Variants in ZBTB20 observed in about 807,000 individuals in gnomAD.
ZBTB20 encodes zinc finger and BTB domain containing 20.
ZBTB20 carries 9 observed loss-of-function variants against 56.9 expected under a neutral mutation model. The observed-to-expected ratio is 0.16, with a 90% CI of 0.10 to 0.28. The LOEUF (loss-of-function observed/expected upper bound fraction) is 0.28. Among genes scored for constraint, ZBTB20 ranks in the 10% least tolerant of loss-of-function variants. ZBTB20 has a pLI of 1.00. For synonymous variants in ZBTB20, 417 were observed against 420.7 expected (o/e 0.99, Z 0.11); for missense variants, 655 against 1,003.0 (o/e 0.65, Z 4.69).
intron 1 of ZBTB20, among the ~76,000 whole-genome samples, chr3:115,079,032 G>T (rs2082700328): frequency 6.6e-6 from 1 of 152,050 alleles, no homozygotes; most frequent in African/African-American, 2.4e-5. Flanking sequence ...TATATAAAGG[G>T]CTGACAATCA....
chr3:115,026,506 C>T (rs1448582942), intron 2 of ZBTB20, among the ~76,000 whole-genome samples: 3 of 150,894 alleles, frequency 2.0e-5, no homozygotes, highest in African/African-American at 4.8e-5. Context: ...GGACTCAAAG[C>T]ATGTCATAGT....
At chr3:114,764,656 A>C (rs2068660140) in intron 5 of ZBTB20, among the ~76,000 whole-genome samples, 1 of 152,190 alleles carries the variant, frequency 6.6e-6, no homozygotes. Context: ...TGATTTTCCT[A>C]TATCAGTGAG....
chr3:115,012,397 T>TA (rs1237239528), intron 2 of ZBTB20, among the ~76,000 whole-genome samples: 1 of 151,536 alleles, frequency 6.6e-6, no homozygotes, highest in African/African-American at 2.4e-5. Context: ...CAATGGAAAC[T>TA]AAAAAAGAGC....
At chr3:114,792,156 G>A (rs2071005383) in intron 5 of ZBTB20, 1 of 152,056 alleles carries the variant, frequency 6.6e-6, no homozygotes, top group Non-Finnish European at 1.5e-5. Flanking sequence ...TCTTACAAAA[G>A]CTTTTTCTTC....
intron 8 of ZBTB20, among the ~76,000 whole-genome samples, chr3:114,385,177 C>T (rs1342067326): frequency 6.6e-6 from 1 of 152,160 alleles, no homozygotes; most frequent in Non-Finnish European, 1.5e-5. Flanking sequence ...CCTATTGGCT[C>T]ATGATAATTT....
chr3:114,615,611 G>A (rs1417638824), intron 6 of ZBTB20, among the ~76,000 whole-genome samples: 3 of 152,156 alleles, frequency 2.0e-5, no homozygotes, highest in Admixed American at 1.3e-4. Flanking sequence ...GGGAGTTCTG[G>A]CCCCTTTTAT....
intron 7 of ZBTB20, among the ~76,000 whole-genome samples, chr3:114,435,100 T>A (rs1041177174): frequency 1.1e-4 from 16 of 152,162 alleles, no homozygotes; most frequent in African/African-American, 3.6e-4. Context: ...TAAGCTTAAC[T>A]GGGACTAAAA....
At position 114,750,456 on chromosome 3, in the gene ZBTB20, A is replaced by T. The variant is rs561125743; in HGVS notation, c.-343+50645T>A. Among the ~76,000 whole-genome samples, 6 of 152,336 alleles carry T rather than the reference A, an allele frequency of 3.9e-5. No homozygotes were observed. In the East Asian group the frequency reaches 1.2e-3, roughly 29 times the overall value. ...CTTATCTGTAGGAAGAAAAGCAGTAAAGCAGAATTCCTAGGAATTGAGAAA... is the reference window on the plus strand; with the variant it reads ...CTTATCTGTAGGAAGAAAAGCAGTATAGCAGAATTCCTAGGAATTGAGAAA... On this transcript the variant is annotated intron_variant, in intron 5 of 11. Coordinates refer to ENST00000675478, the MANE Select transcript of ZBTB20 (RefSeq NM_001348800.3).
chr3:115,043,577 G>GAAATA (rs143409903), intron 2 of ZBTB20, among the ~76,000 whole-genome samples: 3,584 of 135,524 alleles, frequency 0.026, 68 homozygotes, highest in African/African-American at 0.048. Flanking sequence ...GTCTCAAAAA[G>GAAATA]AAATAAAATA....
At chr3:114,660,694 G>C (rs1042304573) in intron 6 of ZBTB20, among the ~76,000 whole-genome samples, 5 of 152,088 alleles carry the variant, frequency 3.3e-5, no homozygotes, top group South Asian at 4.1e-4. Context: ...TTCAAAAACT[G>C]TTCATAATCA....
At chr3:114,810,097 T>A (rs909329433) in intron 4 of ZBTB20, among the ~76,000 whole-genome samples, 1 of 152,210 alleles carries the variant, frequency 6.6e-6, no homozygotes, top group Non-Finnish European at 1.5e-5. Flanking sequence ...GTGTGTGGGT[T>A]GTAGAATGCA....
At chr3:114,638,450 C>A (rs1225372854) in intron 6 of ZBTB20, among the ~76,000 whole-genome samples, 2 of 152,072 alleles carry the variant, frequency 1.3e-5, no homozygotes, top group Non-Finnish European at 2.9e-5. Context: ...TTTGTTTAAG[C>A]CACTTAAGTC....
intron 6 of ZBTB20, among the ~76,000 whole-genome samples, chr3:114,590,480 AAATTTATTTATT>A (rs2055638500): frequency 6.7e-6 from 1 of 148,356 alleles, no homozygotes; most frequent in African/African-American, 2.5e-5. Context: ...ATAAATAAAT[AAATTTATTTATT>A]AATTTATTTA....
intron 4 of ZBTB20, among the ~76,000 whole-genome samples, chr3:114,812,056 A>G (rs1374667778): frequency 6.6e-6 from 1 of 152,134 alleles, no homozygotes; most frequent in Non-Finnish European, 1.5e-5. Flanking sequence ...CTTTGCGGTG[A>G]GTGTTACAGC....
intron 6 of ZBTB20, among the ~76,000 whole-genome samples, chr3:114,617,544 C>T (rs1019479914): frequency 3.3e-5 from 5 of 152,214 alleles, no homozygotes; most frequent in African/African-American, 9.6e-5. Context: ...ACTTGTTTCC[C>T]TATCTGCCTC....
intron 6 of ZBTB20, among the ~76,000 whole-genome samples, chr3:114,545,868 T>G (rs955815356): frequency 2.0e-5 from 3 of 152,298 alleles, no homozygotes; most frequent in Middle Eastern, 3.4e-3. Flanking sequence ...TTCTAAGTCT[T>G]TTTTTAACCC....
chr3:114,434,531 C>T (rs2090361911), intron 7 of ZBTB20, among the ~76,000 whole-genome samples: 1 of 75,540 alleles, frequency 1.3e-5, no homozygotes, highest in Non-Finnish European at 2.7e-5. Flanking sequence ...GAGTAGCCTT[C>T]TGCAATTGGG....
At chr3:114,848,323 C>G (rs574555324) in intron 4 of ZBTB20, among the ~76,000 whole-genome samples, 1 of 152,094 alleles carries the variant, frequency 6.6e-6, no homozygotes, top group Non-Finnish European at 1.5e-5. Context: ...AGGCTGCCAA[C>G]AAACAGGGCC....
chr3:114,407,323 C>CT (rs2108745937), intron 7 of ZBTB20, among the ~76,000 whole-genome samples: 1 of 152,286 alleles, frequency 6.6e-6, no homozygotes, highest in South Asian at 2.1e-4. Context: ...ACTCAGAGAT[C>CT]TGAACTACCA....
Sources: allele counts gnomAD v4.1 joint callset (sites outside exome capture counted in the v4.1 genomes callset), GRCh38; gene constraint gnomAD v4.1.1; transcripts MANE v1.5; gene names NCBI Gene and HGNC (gene_info 2026-07-23, HGNC 2026-07-21).